Variants in BRCA1 observed in about 807,000 individuals in gnomAD.
The protein encoded by BRCA1 is breast cancer type 1 susceptibility protein.
A neutral mutation model predicts 173.7 loss-of-function variants in BRCA1; 140 were observed. That is an observed-to-expected ratio of 0.81 (90% CI 0.70 to 0.93). The LOEUF is 0.93. Ranked by LOEUF, BRCA1 falls within the 40% of genes least tolerant of loss-of-function variation. The pLI is 0.00. For synonymous variants in BRCA1, 662 were observed against 756.0 expected, an observed-to-expected ratio of 0.88 and a Z score of 2.04; for missense variants, 1,983 against 2,172.5, an observed-to-expected ratio of 0.91 and a Z score of 1.73.
chr17:43,062,633 C>T (rs2051814814), intron 18 of BRCA1, among the ~76,000 whole-genome samples: 1 of 151,916 alleles, frequency 6.6e-6, no homozygotes, highest in Non-Finnish European at 1.5e-5. Context: ...GAGTCTCGCT[C>T]TGTTGCCAGG....
intron 16 of BRCA1, among the ~76,000 whole-genome samples, chr17:43,065,749 T>C (rs2153652228): frequency 6.6e-6 from 1 of 152,254 alleles, no homozygotes; most frequent in East Asian, 1.9e-4. Flanking sequence ...TAGAAAGATT[T>C]TAGAGTTGAG....
At chr17:43,097,067 A>G (rs771879238) in intron 8 of BRCA1, among the ~76,000 whole-genome samples, 177 bp downstream of exon 8, 6 of 152,214 alleles carry the variant, frequency 3.9e-5, no homozygotes, top group Non-Finnish European at 7.3e-5. Context: ...CCGGATGATG[A>G]AAAAAATCTA....
chr17:43,076,649 T>A (rs2154075329), intron 12 of BRCA1, 35 bp from the exon 13 acceptor site: 2 of 1,606,744 alleles, frequency 1.2e-6, no homozygotes, highest in Non-Finnish European at 1.7e-6. Flanking sequence ...TCTACTTTAC[T>A]GCTTTGTTCT....
At chr17:43,147,729 A>T (rs2056132761) in intron 1 of BRCA1, among the ~76,000 whole-genome samples, 1 of 152,194 alleles carries the variant, frequency 6.6e-6, no homozygotes, top group Admixed American at 6.5e-5. Flanking sequence ...ATAAATAAAT[A>T]AAAAAGAGAA....
rs273901743 is a variant in BRCA1 at position 43,099,819 on chromosome 17, T to G, written c.503A>C (p.Lys168Thr). The change falls in exon 7 of 23, where the codon AAG becomes ACG. Residue 168 changes from lysine (K) to threonine (T), a missense_variant. Physicochemically the swap from Lys to Thr is moderately conservative, Grantham distance 78 (BLOSUM62 -1). Transcript: ENST00000357654. ...NLGTVRTLRTKQRIQPQKTSV... is the reference protein window; with the variant it reads ...NLGTVRTLRTTQRIQPQKTSV... ...CGTCTTTTGAGGTTGTATCCGCTGC[T>G]TTGTCCTCAGAGTTCTCACAGTTCC... 3 of 1,613,878 alleles carry G rather than the reference T, an allele frequency of 1.9e-6. No individual in the cohort carries two copies. In the African/African-American group the frequency reaches 4.0e-5, roughly 22 times the overall value.
intron 1 of BRCA1, chr17:43,160,613 C>T (rs187856012): frequency 1.2e-4 from 19 of 152,246 alleles, no homozygotes; most frequent in African/African-American, 3.6e-4. Context: ...GTGTGGCGCC[C>T]GGGCTGTCTG....
In BRCA1 at chr17:43,092,538, A is replaced by G; in HGVS notation, c.2993T>C (p.Leu998Pro). The change falls in exon 10 of 23, where the codon CTG becomes CCG. Residue 998 changes from leucine to proline, a missense_variant. By Grantham distance (98) the Leu-to-Pro change is moderately conservative (BLOSUM62 -3). Transcript: ENST00000357654. ...ATGTTCCTCAAAGTTTTCCTCTAGC[A>G]GATTTTTCTTACATTTAGTTTTAAC... ...SFVKTKCKKNLLEENFEEHSM... is the reference protein window; with the variant it reads ...SFVKTKCKKNPLEENFEEHSM... The G allele has an allele frequency of 6.2e-7, 1 of 1,614,064 alleles. No homozygotes were observed. Among genetic ancestry groups the G allele is most frequent in the Non-Finnish European group, 8.5e-7 (1 of 1,179,988 alleles).
chr17:43,074,880 C>A (rs1000330125), intron 13 of BRCA1, among the ~76,000 whole-genome samples: 4 of 151,396 alleles, frequency 2.6e-5, no homozygotes, highest in Admixed American at 6.6e-5. Context: ...GAGATCACGC[C>A]ACTGCACTCC....
chr17:43,061,706 C>T (rs1198359458), intron 18 of BRCA1, among the ~76,000 whole-genome samples: 1 of 151,984 alleles, frequency 6.6e-6, no homozygotes, highest in African/African-American at 2.4e-5. Context: ...CCTCAGCCTC[C>T]CCAGCAGCTA....
At chr17:43,153,264 T>C (rs1241166053) in intron 1 of BRCA1, among the ~76,000 whole-genome samples, 1 of 152,084 alleles carries the variant, frequency 6.6e-6, no homozygotes, top group Non-Finnish European at 1.5e-5. Flanking sequence ...AGAAACTCAG[T>C]TGTATGTAAG....
At chr17:43,051,234 T>C in intron 19 of BRCA1, 117 bp from the exon 20 acceptor site, 1 of 967,028 alleles carries the variant, frequency 1.0e-6, no homozygotes, top group Non-Finnish European at 1.6e-6. Context: ...AGCTTTTCTT[T>C]TTCTTCTGTT....
intron 19 of BRCA1, among the ~76,000 whole-genome samples, chr17:43,056,675 G>GAA (rs113472038): frequency 2.8e-5 from 4 of 142,994 alleles, no homozygotes; most frequent in African/African-American, 5.1e-5. Context: ...TCCGTCTTGG[G>GAA]AAAAAAAAAA....
intron 1 of BRCA1, chr17:43,132,850 GC>G (rs1175863838): frequency 6.6e-6 from 1 of 151,808 alleles, no homozygotes; most frequent in Non-Finnish European, 1.5e-5. Context: ...TGCAAGCTCT[GC>G]CTCCCGGGTT....
In BRCA1 at chr17:43,074,276, T is replaced by C. The variant is rs934064952; in HGVS notation, c.4675+55A>G. ...GTTGGTTAACCAGAATATCTTTATG[T>C]AGGATTCAGAGTAAAATCAAAGTGT... On this transcript the variant is annotated intron_variant, in intron 14 of 22. Coordinates refer to ENST00000357654, the MANE Select transcript of BRCA1 (RefSeq NM_007294.4). The C allele has an allele frequency of 6.7e-5, 107 of 1,595,204 alleles. No individual in the cohort carries two copies. In the African/African-American group the frequency reaches 1.3e-3, roughly 20 times the overall value.
At chr17:43,115,880 T>C in intron 2 of BRCA1, 101 bp from the exon 3 acceptor site, 1 of 1,255,182 alleles carries the variant, frequency 8.0e-7, no homozygotes, top group East Asian at 2.5e-5. Context: ...TGAGCTGTTA[T>C]GACTGAGTCA....
chr17:43,083,394 G>A (rs1295753060), intron 11 of BRCA1, among the ~76,000 whole-genome samples: 1 of 152,084 alleles, frequency 6.6e-6, no homozygotes, highest in Admixed American at 6.5e-5. Flanking sequence ...GACCTCAAGT[G>A]ATCAGCCCGC....
rs876658873 is a variant in BRCA1 at position 43,094,276 on chromosome 17, C to G, written c.1255G>C (p.Val419Leu). ...TCTGAAGAACCAGAATATTCATCTA[C>G]CTCATTTAGAACGTCCAATACATCA... ...VADVLDVLNE[V>L]DEYSGSSEKI... Residue 419 changes from valine (V) to leucine (L), a missense_variant, in exon 10 of 23, where the codon GTA (valine) becomes CTA (leucine). Val to Leu is a conservative substitution (Grantham distance 32). Coordinates refer to ENST00000357654, the MANE Select transcript of BRCA1 (RefSeq NM_007294.4). 1.2e-6 allele frequency: 2 copies of G among 1,614,140 alleles called. No individual in the cohort carries two copies. Among genetic ancestry groups the G allele is most frequent in the East Asian group, 2.2e-5 (1 of 44,882 alleles).
chr17:43,140,168 A>T (rs1340512636), intron 1 of BRCA1: 1 of 317,114 alleles, frequency 3.2e-6, no homozygotes, highest in Non-Finnish European at 6.3e-6. Flanking sequence ...AAGACAGGAC[A>T]TGGAGAGCTG....
intron 11 of BRCA1, 69 bp downstream of exon 11, chr17:43,090,875 T>C: frequency 7.3e-7 from 1 of 1,378,374 alleles, no homozygotes; most frequent in Non-Finnish European, 1.0e-6. Flanking sequence ...CCTAAGAATG[T>C]GGGATACATA....
Sources: allele counts gnomAD v4.1 joint callset (sites outside exome capture counted in the v4.1 genomes callset), GRCh38; gene constraint gnomAD v4.1.1; transcripts MANE v1.5; gene names NCBI Gene and HGNC (gene_info 2026-07-23, HGNC 2026-07-21).